Variants in UBE3A observed in about 807,000 individuals in gnomAD.
The protein encoded by UBE3A is ubiquitin-protein ligase E3A.
A neutral mutation model predicts 83.4 loss-of-function variants in UBE3A; 6 were observed. The observed-to-expected ratio is 0.07, with a 90% CI of 0.04 to 0.14. The LOEUF is 0.14. Among genes scored for constraint, UBE3A ranks in the 10% least tolerant of loss-of-function variants. The pLI is 1.00. For synonymous variants in UBE3A, 337 were observed against 355.4 expected (o/e 0.95, Z 0.58); for missense variants, 456 against 1,036.1 (o/e 0.44, Z 7.69).
At chr15:25,402,315 C>T (rs1264992147) in intron 4 of UBE3A, among the ~76,000 whole-genome samples, 1 of 152,218 alleles carries the variant, frequency 6.6e-6, no homozygotes, top group Admixed American at 6.5e-5. Flanking sequence ...GCTGGCCTGG[C>T]ATCCTGGTCT....
intron 6 of UBE3A, among the ~76,000 whole-genome samples, chr15:25,365,604 T>C (rs938730073): frequency 6.6e-6 from 1 of 151,248 alleles, no homozygotes; most frequent in Admixed American, 6.6e-5. Context: ...AAAAATTAGC[T>C]GGGCATGGTG....
intron 4 of UBE3A, among the ~76,000 whole-genome samples, chr15:25,404,509 C>T (rs1446018113): frequency 6.6e-6 from 1 of 152,138 alleles, no homozygotes; most frequent in Non-Finnish European, 1.5e-5. Context: ...TCACTAAAGT[C>T]TTACTTACTT....
At position 25,369,185 on chromosome 15, in the gene UBE3A, TTCA is replaced by T. The variant is rs1168477701; in HGVS notation, c.1608+1378_1608+1380del. On this transcript the variant is annotated intron_variant, in intron 6 of 12. Transcript: ENST00000648336. ...GATCAGTCATTAAGTGTATTAATTA[TTCA>T]TGTGTCTCAAAACTATGTAAGTGAA... 4.6e-5 allele frequency among the ~76,000 whole-genome samples: 7 copies of T among 152,106 alleles called. No individual in the cohort carries two copies. The East Asian group carries it at 1.4e-3, about 29-fold the overall frequency.
intron 1 of UBE3A, chr15:25,421,928 T>C (rs1212843420): frequency 6.6e-6 from 1 of 152,168 alleles, no homozygotes. Context: ...AAACTTACCA[T>C]GTGACCCAGT....
chr15:25,383,237 T>C (rs2152907090), intron 4 of UBE3A, among the ~76,000 whole-genome samples: 1 of 152,198 alleles, frequency 6.6e-6, no homozygotes, highest in Admixed American at 6.5e-5. Flanking sequence ...CCAAGGATGG[T>C]TCAACATACA....
intron 4 of UBE3A, among the ~76,000 whole-genome samples, chr15:25,382,933 T>C (rs1170718743): frequency 6.6e-6 from 1 of 151,312 alleles, no homozygotes; most frequent in African/African-American, 2.4e-5. Flanking sequence ...CTATTAGAGA[T>C]TGAATCAGTA....
At chr15:25,401,280 C>T (rs376687062) in intron 4 of UBE3A, among the ~76,000 whole-genome samples, 11 of 152,058 alleles carry the variant, frequency 7.2e-5, no homozygotes, top group African/African-American at 2.7e-4. Context: ...CTGGAGAGTT[C>T]TTGTCTGGCT....
At chr15:25,367,319 A>G (rs909717290) in intron 6 of UBE3A, among the ~76,000 whole-genome samples, 17 of 135,184 alleles carry the variant, frequency 1.3e-4, no homozygotes, top group African/African-American at 5.5e-4. Context: ...TAAATTACAT[A>G]TTTATATTAA....
At chr15:25,372,356 C>T (rs1270404298) in intron 5 of UBE3A, among the ~76,000 whole-genome samples, 5 of 152,174 alleles carry the variant, frequency 3.3e-5, no homozygotes, top group African/African-American at 1.2e-4. Context: ...CCAGGGTAGT[C>T]ATTCTGTGAG....
At chr15:25,395,169 G>A (rs567918905) in intron 4 of UBE3A, among the ~76,000 whole-genome samples, 1 of 152,166 alleles carries the variant, frequency 6.6e-6, no homozygotes, top group African/African-American at 2.4e-5. Context: ...ATTTTAGACA[G>A]AGATGAGCAA....
intron 6 of UBE3A, among the ~76,000 whole-genome samples, chr15:25,361,699 C>G (rs1037213398): frequency 6.6e-6 from 1 of 151,956 alleles, no homozygotes; most frequent in Admixed American, 6.6e-5. Flanking sequence ...TATCCAGTAT[C>G]CATCATATCT....
chr15:25,408,652 G>A, intron 3 of UBE3A: 2 of 1,613,612 alleles, frequency 1.2e-6, no homozygotes, highest in Non-Finnish European at 1.7e-6. Context: ...TCTCCATCCT[G>A]CAAGCCACTC....
intron 4 of UBE3A, among the ~76,000 whole-genome samples, chr15:25,394,792 A>T (rs1171997026): frequency 6.6e-6 from 1 of 152,236 alleles, no homozygotes; most frequent in Non-Finnish European, 1.5e-5. Flanking sequence ...ATAATTAAAA[A>T]GGCAGAAACA....
chr15:25,405,370 C>G, intron 4 of UBE3A, 91 bp downstream of exon 4: 1 of 1,429,030 alleles, frequency 7.0e-7, no homozygotes, highest in Non-Finnish European at 9.9e-7. Flanking sequence ...TTTCTTTTAA[C>G]CAGAAATTAT....
At chr15:25,384,882 T>C (rs998116816) in intron 4 of UBE3A, among the ~76,000 whole-genome samples, 37 of 152,130 alleles carry the variant, frequency 2.4e-4, no homozygotes, top group Non-Finnish European at 5.0e-4. Context: ...ACAAACTGTA[T>C]TGGGAAATCT....
At chr15:25,414,372 C>CAG (rs2090501384) in intron 1 of UBE3A, among the ~76,000 whole-genome samples, 1 of 152,084 alleles carries the variant, frequency 6.6e-6, no homozygotes, top group African/African-American at 2.4e-5. Flanking sequence ...GATGAAGATG[C>CAG]AGAGGTAGAA....
At chr15:25,391,621 C>G (rs1006884442) in intron 4 of UBE3A, 20 of 152,222 alleles carry the variant, frequency 1.3e-4, no homozygotes, top group African/African-American at 4.3e-4. Flanking sequence ...TGAAATACTA[C>G]TACTTATCCA....
intron 1 of UBE3A, among the ~76,000 whole-genome samples, chr15:25,430,039 AT>A (rs1330878236): frequency 8.7e-6 from 1 of 114,648 alleles, no homozygotes; most frequent in East Asian, 2.9e-4. Context: ...ATATATATAT[AT>A]ATATATATAT....
intron 11 of UBE3A, among the ~76,000 whole-genome samples, chr15:25,341,781 CT>C (rs1189680422): frequency 1.8e-5 from 2 of 108,482 alleles, no homozygotes; most frequent in African/African-American, 8.2e-5. Context: ...AAAATTTCAT[CT>C]CAAAAAAAAA....
Sources: gnomAD v4.1 joint callset for allele counts (sites outside exome capture counted in the v4.1 genomes callset) on GRCh38, gnomAD v4.1.1 for gene constraint, MANE v1.5 for transcripts, NCBI Gene and HGNC (gene_info 2026-07-23, HGNC 2026-07-21) for gene names.